The following CLTC variants were observed in gnomAD, a reference collection of about 807,000 sequenced individuals.
CLTC encodes clathrin heavy chain 1.
Under a neutral mutation model 195.8 loss-of-function variants are expected in CLTC, and 16 were observed. The observed-to-expected ratio is 0.08, with a 90% CI of 0.06 to 0.12. CLTC has a LOEUF of 0.12. CLTC is among the 10% of genes least tolerant of loss of function. The pLI, the probability that CLTC is intolerant of heterozygous loss-of-function variation, is 1.00. For synonymous variants in CLTC, 667 were observed against 689.4 expected (o/e 0.97, Z 0.51); for missense variants, 796 against 2,027.0 (o/e 0.39, Z 11.66).
At chr17:59,633,941 C>T (rs982774196) in intron 1 of CLTC, among the ~76,000 whole-genome samples, 1 of 152,176 alleles carries the variant, frequency 6.6e-6, no homozygotes, top group Non-Finnish European at 1.5e-5. Context: ...TGGGGTCTTG[C>T]TCTGTCACCC....
rs1456360468 is a variant in CLTC, at chr17:59,655,979, A to G, written c.921A>G (p.Ala307=). The change falls in exon 6 of 32, where the codon GCA becomes GCG. Residue 307 remains alanine (A), a synonymous_variant. Transcript: ENST00000269122. ...RISGETIFVT[A]PHEATAGIIG... ...GTGGAGAAACAATTTTTGTTACTGC[A>G]CCTCATGAAGCCACAGCTGGAATAA... is the stretch of plus-strand genomic sequence containing the variant. 5 of 1,612,944 alleles carry G rather than the reference A, an allele frequency of 3.1e-6. No homozygotes were observed. Among genetic ancestry groups the G allele is most frequent in the Non-Finnish European group, 4.2e-6 (5 of 1,179,666 alleles).
At chr17:59,676,825 C>T (rs2032976551) in intron 16 of CLTC, 129 bp from the exon 17 acceptor site, 1 of 693,704 alleles carries the variant, frequency 1.4e-6, no homozygotes, top group South Asian at 1.8e-5. Flanking sequence ...TGTAGCAATA[C>T]TCGGGGGGCG....
intron 6 of CLTC, chr17:59,658,898 C>T (rs765531833): frequency 3.3e-5 from 5 of 152,030 alleles, no homozygotes; most frequent in African/African-American, 4.8e-5. Context: ...GGATGGAGGT[C>T]GGACCTATAG....
chr17:59,622,498 A>G (rs1276241480), intron 1 of CLTC, among the ~76,000 whole-genome samples: 1 of 152,110 alleles, frequency 6.6e-6, no homozygotes, highest in Non-Finnish European at 1.5e-5. Context: ...CCACCTCAGC[A>G]TCCTGAGTAG....
intron 2 of CLTC, among the ~76,000 whole-genome samples, chr17:59,646,459 C>T (rs1462177912): frequency 7.0e-6 from 1 of 142,090 alleles, no homozygotes; most frequent in Non-Finnish European, 1.5e-5. Context: ...TGCCCCCCTT[C>T]TTTGTCCCCC....
Position 59,681,839 on chromosome 17 carries a change from G to A in CLTC, c.3442G>A (p.Gly1148Arg), listed in dbSNP as rs374051627. ...MEVVQAANTSGNWEELVKYLQ... is the reference protein window; with the variant it reads ...MEVVQAANTSRNWEELVKYLQ... ...AGTTGTTCAGGCTGCCAATACTAGT[G>A]GTATGACTTCTTACCTTATGTATTG... Residue 1148 changes from glycine (G) to arginine (R), a missense_variant and splice_region_variant, in exon 21 of 32, where the codon GGA becomes AGA. This residue lies in a region of CLTC where 50 missense variants were observed against 77.2 expected (regional missense o/e 0.65). Transcript: ENST00000269122. This position sits in a 1 kb window ranked among gnomAD's most constrained non-coding sequence, Gnocchi z 5.0. The A allele has an allele frequency of 1.2e-4, 198 of 1,608,688 alleles. No homozygotes were observed. Among genetic ancestry groups the A allele is most frequent in the Non-Finnish European group, 1.6e-4 (185 of 1,176,780 alleles).
intron 2 of CLTC, among the ~76,000 whole-genome samples, chr17:59,646,329 C>A (rs1427584766): frequency 6.6e-6 from 1 of 152,194 alleles, no homozygotes; most frequent in Admixed American, 6.5e-5. Flanking sequence ...GTAACTCTCA[C>A]AATTTTTCAA....
chr17:59,664,622 G>T (rs2032686263), intron 9 of CLTC, 165 bp from the exon 10 acceptor site: 8 of 518,116 alleles, frequency 1.5e-5, no homozygotes, highest in Middle Eastern at 5.5e-4. Flanking sequence ...ACAGATGTTT[G>T]TTCAAATATG....
At chr17:59,639,810 A>AC (rs2031976956) in intron 1 of CLTC, among the ~76,000 whole-genome samples, 1 of 150,724 alleles carries the variant, frequency 6.6e-6, no homozygotes, top group Non-Finnish European at 1.5e-5. Context: ...TCTTAAAAAA[A>AC]AAAAAAAATT....
chr17:59,666,150 A>G lies in CLTC; in HGVS notation c.1692A>G (p.Ala564=), dbSNP rs138226151. Reference sequence around the variant, plus strand: ...ACAATCTAATTCAGCAGTGTACTGCATTCTTGCTTGATGCTCTGAAGAATA... The same window carrying G: ...ACAATCTAATTCAGCAGTGTACTGCGTTCTTGCTTGATGCTCTGAAGAATA... ...MEYNLIQQCT[A]FLLDALKNNR... is the part of the protein sequence containing the mutation. Residue 564 remains alanine (A), a synonymous_variant, in exon 11 of 32, where the codon GCA becomes GCG. Coordinates refer to ENST00000269122, the MANE Select transcript of CLTC (RefSeq NM_004859.4). This position sits in a 1 kb window ranked among gnomAD's most constrained non-coding sequence, Gnocchi z 4.9. 7.4e-6 allele frequency: 12 copies of G among 1,613,290 alleles called. No homozygotes were observed. Among genetic ancestry groups the G allele is most frequent in the Non-Finnish European group, 1.0e-5 (12 of 1,179,218 alleles).
intron 17 of CLTC, 98 bp from the exon 18 acceptor site, chr17:59,679,299 T>A: frequency 1.0e-6 from 1 of 959,426 alleles, no homozygotes; most frequent in Non-Finnish European, 1.5e-6. Flanking sequence ...AGTAAGATTA[T>A]CAATAAACAT....
chr17:59,685,196 A>G lies in CLTC; in HGVS notation c.4575A>G (p.Val1525=). 1 of 1,608,062 alleles carries G rather than the reference A, an allele frequency of 6.2e-7. No individual in the cohort carries two copies. The highest frequency in any genetic ancestry group is 8.5e-7 in the Non-Finnish European group (1 of 1,175,914). ...GCAACAATCGCTGGAAACAGAGTGT[A>G]GAGCTGTGCAAGAAAGACAGCCTTT... ...FKGNNRWKQS[V]ELCKKDSLYK... Residue 1525 remains valine (V), a synonymous_variant, in exon 29 of 32, where the codon GTA becomes GTG. Transcript: ENST00000269122. The surrounding 1 kb of genome is among the most constrained non-coding windows in gnomAD (Gnocchi z 5.0).
chr17:59,678,385 A>C (rs533637794), intron 17 of CLTC, among the ~76,000 whole-genome samples: 2 of 150,540 alleles, frequency 1.3e-5, no homozygotes, highest in African/African-American at 4.8e-5. Flanking sequence ...ATTCTTGCTT[A>C]AACCATTCTT....
At chr17:59,646,668 A>AG (rs1423291194) in intron 2 of CLTC, among the ~76,000 whole-genome samples, 1 of 152,248 alleles carries the variant, frequency 6.6e-6, no homozygotes, top group African/African-American at 2.4e-5. Flanking sequence ...CATCTGACTC[A>AG]GTGGACTCTT....
chr17:59,622,201 G>A (rs2031401764), intron 1 of CLTC, among the ~76,000 whole-genome samples: 1 of 152,124 alleles, frequency 6.6e-6, no homozygotes, highest in African/African-American at 2.4e-5. Flanking sequence ...AATATAAAGC[G>A]ATTTGCAAAT....
intron 6 of CLTC, among the ~76,000 whole-genome samples, chr17:59,658,330 G>A (rs1041221357): frequency 2.6e-5 from 4 of 152,168 alleles, no homozygotes; most frequent in African/African-American, 9.7e-5. Context: ...GAGCCACCAC[G>A]CCTCGCCACT....
At chr17:59,678,788 C>T (rs1439678825) in intron 17 of CLTC, among the ~76,000 whole-genome samples, 1 of 152,090 alleles carries the variant, frequency 6.6e-6, no homozygotes, top group African/African-American at 2.4e-5. Context: ...ATCACTTGAG[C>T]CCAGGAGTTT....
At position 59,648,487 on chromosome 17, in the gene CLTC, T is replaced by G; in HGVS notation, c.681+86T>G. The G allele has an allele frequency of 8.0e-7, 1 of 1,244,924 alleles. No individual in the cohort carries two copies. Among genetic ancestry groups the G allele is most frequent in the Middle Eastern group, 2.0e-4 (1 of 5,034 alleles). The allele number at this position is 1,244,924 out of a possible 1,614,324, so 77.1% of individuals were successfully genotyped here. The stretch of plus-strand genomic sequence containing the variant: ...TTAGTCATCTAATTTCAAAATAGCC[T>G]TCTCCCTTCCTAAGTAATTTTAGTA... On this transcript the variant is annotated intron_variant, in intron 4 of 31. Transcript: ENST00000269122. The surrounding 1 kb of genome is among the most constrained non-coding windows in gnomAD (Gnocchi z 4.5).
intron 14 of CLTC, among the ~76,000 whole-genome samples, chr17:59,671,595 G>A (rs1017175123): frequency 6.6e-5 from 10 of 152,166 alleles, no homozygotes; most frequent in Admixed American, 5.9e-4. Flanking sequence ...TAAGTTTGTA[G>A]AACTGTAAGC....
Sources: allele counts gnomAD v4.1 joint callset (sites outside exome capture counted in the v4.1 genomes callset), GRCh38; gene constraint gnomAD v4.1.1; regional missense constraint gnomAD v4.1.1; non-coding constraint Gnocchi (gnomAD v3.1); transcripts MANE v1.5; gene names NCBI Gene and HGNC (gene_info 2026-07-23, HGNC 2026-07-21).